SULT1C4: variants seen among roughly 807,000 people sequenced by gnomAD.
SULT1C4 encodes the protein sulfotransferase family 1C member 4.
In SULT1C4, 32 loss-of-function variants were observed where a neutral mutation model predicts 34.8. That is an observed-to-expected ratio of 0.92 (90% CI 0.69 to 1.23). The LOEUF (loss-of-function observed/expected upper bound fraction) is 1.23. Among genes scored for constraint, SULT1C4 ranks in the 50% most tolerant of loss-of-function variants. SULT1C4 has a pLI of 0.00. For missense variants in SULT1C4, 375 were observed against 365.9 expected, an observed-to-expected ratio of 1.02 and a Z score of -0.20; for synonymous variants, 111 against 120.5, an observed-to-expected ratio of 0.92 and a Z score of 0.51.
chr2:108,385,687 C>T (rs778875908), intron 5 of SULT1C4, among the ~76,000 whole-genome samples: 6 of 152,058 alleles, frequency 3.9e-5, no homozygotes, highest in Non-Finnish European at 8.8e-5. Context: ...TTCCACTTGA[C>T]TTGGTGGTCT....
intron 6 of SULT1C4, among the ~76,000 whole-genome samples, chr2:108,386,652 C>T (rs1432066831): frequency 6.6e-6 from 1 of 152,082 alleles, no homozygotes; most frequent in African/African-American, 2.4e-5. Context: ...AGAATTAAGT[C>T]AGATAGGGCA....
chr2:108,386,299 GA>G lies in SULT1C4; in HGVS notation c.725del (p.Asn242IlefsTer22), dbSNP rs1479606994. The G allele has an allele frequency of 6.3e-7, 1 of 1,583,954 alleles. No homozygotes were observed. Among genetic ancestry groups the G allele is most frequent in the East Asian group, 2.3e-5 (1 of 43,800 alleles). ...ACACTTCGTTTGATGTCATGAAACA[GA>G]ATCCAATGGCAAACTATTCATCGAT... ...HYTSFDVMKQ[N>X]PMANYSSIPA... is the part of the protein sequence containing the mutation. On this transcript the variant is annotated frameshift_variant, in exon 6 of 7. Coordinates refer to ENST00000272452, the MANE Select transcript of SULT1C4 (RefSeq NM_006588.4). LOFTEE classifies it high-confidence loss of function.
At chr2:108,381,457 G>A (rs1408331266) in intron 1 of SULT1C4, among the ~76,000 whole-genome samples, 1 of 152,044 alleles carries the variant, frequency 6.6e-6, no homozygotes, top group Non-Finnish European at 1.5e-5. Context: ...TTCCAGATCA[G>A]CCTGGGCAAC....
At chr2:108,379,545 TTTCTC>T (rs1279197332) in intron 1 of SULT1C4, among the ~76,000 whole-genome samples, 3 of 152,214 alleles carry the variant, frequency 2.0e-5, no homozygotes, top group Non-Finnish European at 2.9e-5. Context: ...TAAATAATCT[TTTCTC>T]TATCTGCCAA....
At position 108,383,196 on chromosome 2, in the gene SULT1C4, T is replaced by G. The variant is rs763979300; in HGVS notation, c.497T>G (p.Phe166Cys). 1 of 1,609,994 alleles carries G rather than the reference T, an allele frequency of 6.2e-7. No homozygotes were observed. Among genetic ancestry groups the G allele is most frequent in the South Asian group, 1.1e-5 (1 of 89,596 alleles). ...GCTCCAGGAACATGGGAAGAGTATTTTGAGACTTTTCTGGCTGGGAAAGGT... is the reference window on the plus strand; with the variant it reads ...GCTCCAGGAACATGGGAAGAGTATTGTGAGACTTTTCTGGCTGGGAAAGGT... ...LPAPGTWEEY[F>C]ETFLAGKVCW... Residue 166 changes from phenylalanine (F) to cysteine (C), a missense_variant, in exon 4 of 7, where the codon TTT (phenylalanine) becomes TGT (cysteine). By Grantham distance (205) the Phe-to-Cys change is radical. Coordinates refer to ENST00000272452, the MANE Select transcript of SULT1C4 (RefSeq NM_006588.4).
At position 108,388,305 on chromosome 2, in the gene SULT1C4, C is replaced by T. The variant is rs1217009896; in HGVS notation, c.*873C>T. Among the ~76,000 whole-genome samples, 1 of 152,204 alleles carries T rather than the reference C, an allele frequency of 6.6e-6. No individual in the cohort carries two copies. Among genetic ancestry groups the T allele is most frequent in the Non-Finnish European group, 1.5e-5 (1 of 68,038 alleles). On this transcript the variant is annotated 3_prime_UTR_variant, in exon 7 of 7. Transcript: ENST00000272452. ...ACTGGACTCACTCTCCCACCCTCAG[C>T]TAATGCTACAATCCTGGAGTCACCT... is the stretch of plus-strand genomic sequence containing the variant.
rs543766339 is a variant in SULT1C4, at chr2:108,383,894, A to T, written c.615+384A>T. ...GTTTTTGTTTTTGAGACAGAGGAGG[A>T]GTTTCACTCTGTCGCCCAGACTAGA... On this transcript the variant is annotated intron_variant, in intron 5 of 6. Coordinates refer to ENST00000272452, the MANE Select transcript of SULT1C4 (RefSeq NM_006588.4). 3.9e-3 allele frequency among the ~76,000 whole-genome samples: 568 copies of T among 146,526 alleles called. 1 individual carries two copies. The highest frequency in any genetic ancestry group is 6.4e-3 in the Non-Finnish European group (431 of 67,676).
chr2:108,383,046 T>G, intron 3 of SULT1C4, 47 bp from the exon 4 acceptor site: 1 of 1,388,612 alleles, frequency 7.2e-7, no homozygotes, highest in Non-Finnish European at 9.3e-7. Flanking sequence ...AAAAAAAAAA[T>G]TCCTGTTTTT....
rs190379491 is a variant in SULT1C4 at position 108,383,191 on chromosome 2, G to A, written c.492G>A (p.Glu164=). Reference sequence around the variant, plus strand: ...TTCCTGCTCCAGGAACATGGGAAGAGTATTTTGAGACTTTTCTGGCTGGGA... The same window carrying A: ...TTCCTGCTCCAGGAACATGGGAAGAATATTTTGAGACTTTTCTGGCTGGGA... The part of the protein sequence containing the change: ...KALPAPGTWE[E]YFETFLAGKV... Residue 164 remains glutamate (E), a synonymous_variant, in exon 4 of 7, where the codon GAG becomes GAA. Transcript: ENST00000272452. 6.2e-7 allele frequency: 1 copy of A among 1,610,826 alleles called. No individual in the cohort carries two copies. Among genetic ancestry groups the A allele is most frequent in the African/African-American group, 1.3e-5 (1 of 74,786 alleles).
rs1558699578 is a variant in SULT1C4 at position 108,378,621 on chromosome 2, T to C, written c.169+115T>C. On this transcript the variant is annotated intron_variant, in intron 1 of 6. Transcript: ENST00000272452. The stretch of plus-strand genomic sequence containing the variant: ...CTGGAAAACTCTGGACAGAGTGATA[T>C]GGCTAAGGAAAGTTACTAGTGGAAA... The C allele has an allele frequency of 4.2e-6, 5 of 1,202,236 alleles. No homozygotes were observed. In the South Asian group the frequency reaches 6.4e-5, roughly 15 times the overall value. 74.5% of individuals were successfully genotyped at this position (1,202,236 alleles called of 1,614,324 possible).
At position 108,378,408 on chromosome 2, in the gene SULT1C4, G is replaced by A. The variant is rs748381612; in HGVS notation, c.71G>A (p.Gly24Glu). Reference sequence around the variant, plus strand: ...CGCTTAAGTGTCAACTACGTGAAGGGAATTCTTCAACCGACAGACACCTGT... The same window carrying A: ...CGCTTAAGTGTCAACTACGTGAAGGAAATTCTTCAACCGACAGACACCTGT... ...TKRLSVNYVK[G>E]ILQPTDTCDI... The change falls in exon 1 of 7, where the codon GGA (glycine) becomes GAA (glutamate). Residue 24 changes from glycine to glutamate, a missense_variant. Physicochemically the swap from Gly to Glu is moderately conservative, Grantham distance 98 (BLOSUM62 -2). Transcript: ENST00000272452. 5.9e-5 allele frequency: 95 copies of A among 1,614,168 alleles called. No individual in the cohort carries two copies. The Middle Eastern group carries it at 6.6e-4, about 11-fold the overall frequency.
chr2:108,387,245 T>C (rs1678591345), intron 6 of SULT1C4, 75 bp from the exon 7 acceptor site: 5 of 1,140,252 alleles, frequency 4.4e-6, no homozygotes, highest in East Asian at 2.4e-5. Context: ...GAAATCATCA[T>C]ACAGAAACAG....
At chr2:108,382,794 T>A (rs545147407) in intron 3 of SULT1C4, 1 of 354,982 alleles carries the variant, frequency 2.8e-6, no homozygotes, top group Non-Finnish European at 5.0e-6. Flanking sequence ...TCCAAGCTAC[T>A]CAGGAGGCTG....
chr2:108,382,334 C>T, intron 2 of SULT1C4, 51 bp from the exon 3 acceptor site: 6 of 1,429,398 alleles, frequency 4.2e-6, no homozygotes, highest in Non-Finnish European at 5.9e-6. Context: ...GACTTGGAAG[C>T]AAATAGATAA....
chr2:108,381,675 C>T (rs779261054), intron 1 of SULT1C4, 87 bp from the exon 2 acceptor site: 186 of 1,280,474 alleles, frequency 1.5e-4, no homozygotes, highest in Non-Finnish European at 1.7e-4. Flanking sequence ...AAACAAAAGA[C>T]ATAGATGTTC....
At chr2:108,383,604 G>A (rs1024156421) in intron 5 of SULT1C4, 94 bp downstream of exon 5, 1 of 1,139,954 alleles carries the variant, frequency 8.8e-7, no homozygotes, top group Non-Finnish European at 1.2e-6. Flanking sequence ...TTGATGCGGG[G>A]AACCGAAAAT....
chr2:108,384,506 C>T (rs1445912960), intron 5 of SULT1C4, among the ~76,000 whole-genome samples: 1 of 152,146 alleles, frequency 6.6e-6, no homozygotes, highest in Non-Finnish European at 1.5e-5. Flanking sequence ...GGATTACAGG[C>T]GTGAGCCACC....
Position 108,378,378 on chromosome 2 carries a change from C to T in SULT1C4, c.41C>T (p.Thr14Ile). The stretch of plus-strand genomic sequence containing the variant: ...ATGGAGGATTTTACATTTGATGGAA[C>T]AAAGCGCTTAAGTGTCAACTACGTG... Reference protein sequence around the residue: ...HDMEDFTFDGTKRLSVNYVKG... With the variant: ...HDMEDFTFDGIKRLSVNYVKG... Residue 14 changes from threonine (T) to isoleucine (I), a missense_variant, in exon 1 of 7, where the codon ACA becomes ATA. Physicochemically the swap from Thr to Ile is moderately conservative, Grantham distance 89 (BLOSUM62 -1). Coordinates refer to ENST00000272452, the MANE Select transcript of SULT1C4 (RefSeq NM_006588.4). 2 of 1,614,138 alleles carry T rather than the reference C, an allele frequency of 1.2e-6. No homozygotes were observed. The highest frequency in any genetic ancestry group is 1.7e-6 in the Non-Finnish European group (2 of 1,180,010).
At chr2:108,382,850 C>T (rs1678447263) in intron 3 of SULT1C4, 1 of 347,966 alleles carries the variant, frequency 2.9e-6, no homozygotes, top group Non-Finnish European at 5.0e-6. Context: ...TTGCAGTGAG[C>T]CAAGATAGTG....
Sources: gnomAD v4.1 joint callset for allele counts (sites outside exome capture counted in the v4.1 genomes callset) on GRCh38, gnomAD v4.1.1 for gene constraint, MANE v1.5 for transcripts, NCBI Gene and HGNC (gene_info 2026-07-23, HGNC 2026-07-21) for gene names.